The following EXOC6B variants were observed in gnomAD, a reference collection of about 807,000 sequenced individuals.
EXOC6B encodes the protein exocyst complex component 6B.
A neutral mutation model predicts 113.5 loss-of-function variants in EXOC6B; 54 were observed. That is an observed-to-expected ratio of 0.48 (90% CI 0.38 to 0.60). EXOC6B has a LOEUF of 0.60. Among genes scored for constraint, EXOC6B ranks in the 20% least tolerant of loss-of-function variants. The probability of loss-of-function intolerance (pLI) is 0.00; values close to 1 mark genes in which losing one functional copy is unlikely to be tolerated. For missense variants in EXOC6B, 797 were observed against 977.5 expected, an observed-to-expected ratio of 0.82 and a Z score of 2.46; for synonymous variants, 357 against 339.0, an observed-to-expected ratio of 1.05 and a Z score of -0.58.
chr2:72,358,229 A>C (rs1447799558), intron 19 of EXOC6B, among the ~76,000 whole-genome samples: 1 of 152,166 alleles, frequency 6.6e-6, no homozygotes, highest in East Asian at 1.9e-4. Context: ...TTTAATACTT[A>C]TAACAACTCT....
intron 1 of EXOC6B, among the ~76,000 whole-genome samples, chr2:72,776,446 AT>A (rs1440331465): frequency 6.6e-6 from 1 of 152,044 alleles, no homozygotes; most frequent in African/African-American, 2.4e-5. Flanking sequence ...GAGAAACCTC[AT>A]CTCTACAAAC....
At chr2:72,296,407 A>G (rs1686135229) in intron 20 of EXOC6B, among the ~76,000 whole-genome samples, 1 of 152,192 alleles carries the variant, frequency 6.6e-6, no homozygotes, top group Non-Finnish European at 1.5e-5. Context: ...ACATAAACAG[A>G]GAAGAAGGGA....
intron 20 of EXOC6B, among the ~76,000 whole-genome samples, chr2:72,225,961 T>C (rs546011625): frequency 2.0e-5 from 3 of 152,238 alleles, no homozygotes; most frequent in South Asian, 4.2e-4. Context: ...AGAAGTTGTA[T>C]CCATTTATAG....
At chr2:72,598,349 T>A (rs4852292) in intron 6 of EXOC6B, among the ~76,000 whole-genome samples, 128,926 of 151,954 alleles carry the variant, frequency 0.85, 55,295 homozygotes, top group East Asian at 0.99. Context: ...AGAAACTTTT[T>A]AAAAATGTAA....
rs1254377634 is a variant in EXOC6B at position 72,773,120 on chromosome 2, C to CTTTTTT, written c.114-31657_114-31652dup. On this transcript the variant is annotated intron_variant, in intron 1 of 21. Coordinates refer to ENST00000272427, the MANE Select transcript of EXOC6B (RefSeq NM_015189.3). ...GCTAAGACAGTAGACCTTAGATTTT[C>CTTTTTT]TTTTTTTTTTTTTTTTTTTTTTGTG... Among the ~76,000 whole-genome samples, 47 of 94,892 alleles carry CTTTTTT rather than the reference C, an allele frequency of 5.0e-4. 1 individual carries two copies. The highest frequency in any genetic ancestry group is 1.0e-3 in the African/African-American group (22 of 21,326). The allele number at this position is 94,892 out of a possible 152,430, so 62.3% of individuals were successfully genotyped here.
intron 6 of EXOC6B, among the ~76,000 whole-genome samples, chr2:72,612,648 G>C (rs538833242): frequency 6.6e-6 from 1 of 152,150 alleles, no homozygotes; most frequent in Non-Finnish European, 1.5e-5. Flanking sequence ...AATTATGGGA[G>C]GATAAAGCAT....
chr2:72,665,693 C>A (rs1675338932), intron 6 of EXOC6B, among the ~76,000 whole-genome samples: 1 of 152,118 alleles, frequency 6.6e-6, no homozygotes, highest in South Asian at 2.1e-4. Flanking sequence ...AGGTGTTTAA[C>A]AAAGCACTAA....
chr2:72,707,335 C>A (rs975994552), intron 6 of EXOC6B, among the ~76,000 whole-genome samples: 5 of 152,020 alleles, frequency 3.3e-5, no homozygotes, highest in African/African-American at 1.2e-4. Context: ...ATTCTCCTAA[C>A]ATTTTATCTT....
intron 20 of EXOC6B, among the ~76,000 whole-genome samples, chr2:72,324,527 A>G (rs1688021277): frequency 6.6e-6 from 1 of 152,212 alleles, no homozygotes. Context: ...TAACAATAAT[A>G]GCTACTTCAT....
intron 6 of EXOC6B, among the ~76,000 whole-genome samples, chr2:72,660,088 C>CT (rs553912624): frequency 0.023 from 3,294 of 144,776 alleles, 104 homozygotes; most frequent in African/African-American, 0.073. Flanking sequence ...CATCAATCCT[C>CT]TTTTTTTTTT....
chr2:72,534,491 T>A lies in EXOC6B; in HGVS notation c.916-19365A>T, dbSNP rs79073666. ...AGATGATATACTTTAACTTTATACT[T>A]CATAAAAATAAATTTTACCTAAGAG... On this transcript the variant is annotated intron_variant, in intron 8 of 21. Coordinates refer to ENST00000272427, the MANE Select transcript of EXOC6B (RefSeq NM_015189.3). Among the ~76,000 whole-genome samples the A allele has an allele frequency of 9.2e-3, 1,396 of 152,212 alleles. 21 individuals are homozygous for A. The highest frequency in any genetic ancestry group is 0.032 in the African/African-American group (1,336 of 41,538).
intron 20 of EXOC6B, among the ~76,000 whole-genome samples, chr2:72,255,849 G>A (rs1683323044): frequency 6.6e-6 from 1 of 152,204 alleles, no homozygotes; most frequent in East Asian, 1.9e-4. Context: ...AAGGCTGAAT[G>A]TGTTTTGCAT....
chr2:72,490,808 C>T (rs1699700956), intron 16 of EXOC6B, among the ~76,000 whole-genome samples: 1 of 152,114 alleles, frequency 6.6e-6, no homozygotes, highest in Admixed American at 6.5e-5. Context: ...GAAGTTACGC[C>T]TTTCTCTTAA....
At chr2:72,799,955 C>G (rs1276173912) in intron 1 of EXOC6B, among the ~76,000 whole-genome samples, 2 of 152,072 alleles carry the variant, frequency 1.3e-5, no homozygotes. Context: ...GTCCCAGTTA[C>G]TCCAAGGGCT....
At chr2:72,472,991 G>A (rs1008941323) in intron 17 of EXOC6B, among the ~76,000 whole-genome samples, 4 of 151,990 alleles carry the variant, frequency 2.6e-5, no homozygotes, top group African/African-American at 7.2e-5. Context: ...CATTTCCAAT[G>A]TTTCTCTTGG....
At chr2:72,260,706 G>A (rs538557017) in intron 20 of EXOC6B, among the ~76,000 whole-genome samples, 8 of 152,110 alleles carry the variant, frequency 5.3e-5, no homozygotes, top group African/African-American at 9.7e-5. Context: ...TGTAATAGCC[G>A]CAATTCTTGG....
At chr2:72,189,860 C>CTTCTTT (rs1178321834) in intron 20 of EXOC6B, among the ~76,000 whole-genome samples, 1,164 of 87,226 alleles carry the variant, frequency 0.013, 102 homozygotes, top group African/African-American at 0.071. Flanking sequence ...CCTTCTTCTT[C>CTTCTTT]TTTTTTTTTT....
chr2:72,232,119 G>A (rs541343351), intron 20 of EXOC6B, among the ~76,000 whole-genome samples: 31 of 152,068 alleles, frequency 2.0e-4, no homozygotes, highest in African/African-American at 5.1e-4. Context: ...GACTACAGGC[G>A]TGCACCACCA....
chr2:72,667,099 G>A (rs780853603), intron 6 of EXOC6B, among the ~76,000 whole-genome samples: 7 of 152,026 alleles, frequency 4.6e-5, no homozygotes, highest in Non-Finnish European at 8.8e-5. Context: ...TCCTGACCTC[G>A]AGATCCACCC....
Sources: gnomAD v4.1 joint callset for allele counts (sites outside exome capture counted in the v4.1 genomes callset) on GRCh38, gnomAD v4.1.1 for gene constraint, MANE v1.5 for transcripts, NCBI Gene and HGNC (gene_info 2026-07-23, HGNC 2026-07-21) for gene names.